Variants in LRP1B observed in about 807,000 individuals in gnomAD.
LRP1B encodes the protein low-density lipoprotein receptor-related protein 1B.
Under a neutral mutation model 556.6 loss-of-function variants are expected in LRP1B, and 217 were observed. The ratio of observed to expected loss-of-function variants is 0.39; its 90% CI spans 0.35 to 0.44. The LOEUF is 0.44. Among genes scored for constraint, LRP1B ranks in the 20% least tolerant of loss-of-function variants. The pLI is 1.00. For missense variants in LRP1B, 5,053 were observed against 5,620.8 expected (o/e 0.90, Z 3.23); for synonymous variants, 2,047 against 1,865.8 (o/e 1.10, Z -2.50).
At chr2:140,582,712 G>T (rs1558983250) in intron 43 of LRP1B, among the ~76,000 whole-genome samples, 1 of 152,118 alleles carries the variant, frequency 6.6e-6, no homozygotes, top group African/African-American at 2.4e-5. Flanking sequence ...CTGGTGCCTT[G>T]ATCTTTCACT....
chr2:140,310,160 C>CT (rs1385227177), intron 83 of LRP1B, among the ~76,000 whole-genome samples: 1 of 151,752 alleles, frequency 6.6e-6, no homozygotes, highest in East Asian at 1.9e-4. Flanking sequence ...ATGTATGAGA[C>CT]TTATCTTTTG....
chr2:142,042,455 T>G (rs1704096337), intron 1 of LRP1B, among the ~76,000 whole-genome samples: 1 of 151,438 alleles, frequency 6.6e-6, no homozygotes, highest in South Asian at 2.1e-4. Flanking sequence ...TTCAGAAGTT[T>G]TATCCTCTTA....
intron 41 of LRP1B, among the ~76,000 whole-genome samples, chr2:140,642,713 G>A (rs1353924524): frequency 3.3e-5 from 5 of 152,142 alleles, no homozygotes; most frequent in East Asian, 1.9e-4. Context: ...GCATGGTGGC[G>A]GGCGCCTGTA....
At chr2:141,019,407 A>T (rs1225008924) in intron 12 of LRP1B, among the ~76,000 whole-genome samples, 1 of 152,124 alleles carries the variant, frequency 6.6e-6, no homozygotes, top group Non-Finnish European at 1.5e-5. Context: ...TTGAATAGTG[A>T]TTGGCAAGAC....
intron 32 of LRP1B, among the ~76,000 whole-genome samples, chr2:140,787,494 T>C (rs1034212396): frequency 2.0e-5 from 3 of 151,470 alleles, no homozygotes; most frequent in African/African-American, 7.3e-5. Flanking sequence ...AATCATATCA[T>C]AGCATTCATA....
chr2:141,362,491 T>A (rs146800980), intron 3 of LRP1B, among the ~76,000 whole-genome samples: 1 of 152,220 alleles, frequency 6.6e-6, no homozygotes, highest in East Asian at 1.9e-4. Flanking sequence ...GAGCAGCGAA[T>A]GGCTAGACCA....
At chr2:141,446,256 T>C (rs11901537) in intron 3 of LRP1B, among the ~76,000 whole-genome samples, 1,615 of 152,280 alleles carry the variant, frequency 0.011, 27 homozygotes, top group African/African-American at 0.037. Flanking sequence ...TGCTTTTGAT[T>C]TGTTTGGTAA....
At chr2:140,395,478 A>G (rs1161064471) in intron 66 of LRP1B, among the ~76,000 whole-genome samples, 2 of 152,228 alleles carry the variant, frequency 1.3e-5, no homozygotes, top group Non-Finnish European at 2.9e-5. Context: ...TTCCTCAATG[A>G]GCACTTACAG....
chr2:140,469,968 A>T (rs1687696650), intron 60 of LRP1B, among the ~76,000 whole-genome samples: 1 of 152,230 alleles, frequency 6.6e-6, no homozygotes, highest in Non-Finnish European at 1.5e-5. Flanking sequence ...TTACAAGAGC[A>T]CATATTGCAT....
intron 2 of LRP1B, among the ~76,000 whole-genome samples, chr2:141,617,066 C>G (rs1420815975): frequency 6.6e-6 from 1 of 152,148 alleles, no homozygotes; most frequent in Admixed American, 6.5e-5. Context: ...TTCAGTCCCT[C>G]TTTTTATTTC....
intron 18 of LRP1B, among the ~76,000 whole-genome samples, chr2:140,977,266 C>T (rs751299581): frequency 6.6e-6 from 1 of 152,016 alleles, no homozygotes; most frequent in African/African-American, 2.4e-5. Flanking sequence ...GGGGAGTTTC[C>T]CTGCCCAATC....
At chr2:142,073,220 T>C (rs2104915426) in intron 1 of LRP1B, among the ~76,000 whole-genome samples, 1 of 152,148 alleles carries the variant, frequency 6.6e-6, no homozygotes, top group Middle Eastern at 3.4e-3. Context: ...CCTAGGTCTT[T>C]GGAATATGAG....
chr2:141,874,983 T>A (rs947521140), intron 1 of LRP1B, among the ~76,000 whole-genome samples: 1 of 151,838 alleles, frequency 6.6e-6, no homozygotes, highest in Admixed American at 6.6e-5. Context: ...TAAATCCCAG[T>A]AAAAATGGTG....
chr2:140,502,425 A>G (rs1346149529), intron 54 of LRP1B, among the ~76,000 whole-genome samples: 2 of 152,020 alleles, frequency 1.3e-5, no homozygotes, highest in African/African-American at 2.4e-5. Flanking sequence ...ATACATGCTA[A>G]AAGAAAGCCC....
intron 7 of LRP1B, among the ~76,000 whole-genome samples, chr2:141,145,815 G>C (rs1444911984): frequency 1.3e-5 from 2 of 151,160 alleles, no homozygotes; most frequent in African/African-American, 4.9e-5. Flanking sequence ...CTACAGGCAT[G>C]AGCCACTGCG....
At chr2:141,315,018 G>T (rs1024847408) in intron 3 of LRP1B, among the ~76,000 whole-genome samples, 3 of 149,760 alleles carry the variant, frequency 2.0e-5, no homozygotes, top group Non-Finnish European at 3.0e-5. Flanking sequence ...AAAAGAAGTG[G>T]TGAAAAATGT....
At chr2:142,117,019 T>G (rs549359302) in intron 1 of LRP1B, among the ~76,000 whole-genome samples, 2 of 152,290 alleles carry the variant, frequency 1.3e-5, no homozygotes, top group Admixed American at 6.5e-5. Flanking sequence ...TTTTCTTTAT[T>G]TCCTTCCACA....
chr2:142,074,735 A>G (rs371907587), intron 1 of LRP1B, among the ~76,000 whole-genome samples: 3 of 152,038 alleles, frequency 2.0e-5, no homozygotes, highest in African/African-American at 7.2e-5. Context: ...TGAACTATCT[A>G]TATATTCAGT....
chr2:141,557,208 CAA>C (rs958207570), intron 2 of LRP1B, among the ~76,000 whole-genome samples: 1 of 151,438 alleles, frequency 6.6e-6, no homozygotes, highest in Non-Finnish European at 1.5e-5. Flanking sequence ...GCAAAACAAA[CAA>C]AAAAACTCTA....
Sources: allele counts gnomAD v4.1 joint callset (sites outside exome capture counted in the v4.1 genomes callset), GRCh38; gene constraint gnomAD v4.1.1; transcripts MANE v1.5; gene names NCBI Gene and HGNC (gene_info 2026-07-23, HGNC 2026-07-21).